Variants in SAMD3 observed in about 807,000 individuals in gnomAD.
The protein encoded by SAMD3 is sterile alpha motif domain containing 3.
Under a neutral mutation model 58.5 loss-of-function variants are expected in SAMD3, and 63 were observed. The ratio of observed to expected loss-of-function variants is 1.08; its 90% CI spans 0.88 to 1.33. The LOEUF (loss-of-function observed/expected upper bound fraction) is 1.33. Ranked by LOEUF, SAMD3 falls within the 40% of genes most tolerant of loss-of-function variation. The pLI is 0.00. For missense variants in SAMD3, 604 were observed against 608.4 expected (o/e 0.99, Z 0.08); for synonymous variants, 220 against 210.3 (o/e 1.05, Z -0.40).
chr6:130,260,581 G>A (rs931902611), intron 2 of SAMD3, among the ~76,000 whole-genome samples: 1 of 152,196 alleles, frequency 6.6e-6, no homozygotes, highest in Non-Finnish European at 1.5e-5. Flanking sequence ...CAGTGTCTGA[G>A]GAGTTTTGTC....
At chr6:130,318,268 T>C (rs1304214920) in intron 1 of SAMD3, among the ~76,000 whole-genome samples, 1 of 152,128 alleles carries the variant, frequency 6.6e-6, no homozygotes, top group Non-Finnish European at 1.5e-5. Flanking sequence ...GCTCTGTTTC[T>C]GCCTAACAAA....
In SAMD3 at chr6:130,154,235, C is replaced by CT. The variant is rs5880003; in HGVS notation, c.1023+589dup. 1.4e-3 allele frequency among the ~76,000 whole-genome samples: 178 copies of CT among 127,648 alleles called. 1 individual carries two copies. The highest frequency in any genetic ancestry group is 4.9e-3 in the African/African-American group (162 of 33,378). 83.7% of individuals were successfully genotyped at this position (127,648 alleles called of 152,430 possible). On this transcript the variant is annotated intron_variant, in intron 9 of 11. Coordinates refer to ENST00000439090, the MANE Select transcript of SAMD3 (RefSeq NM_001017373.4). The stretch of plus-strand genomic sequence containing the variant: ...ATTATCTGAATATGCTACTGAAATT[C>CT]TTTTTTTTTTTTTTTAATTTTTCCT...
At chr6:130,289,960 G>A (rs925290766) in intron 2 of SAMD3, among the ~76,000 whole-genome samples, 3 of 138,912 alleles carry the variant, frequency 2.2e-5, no homozygotes, top group South Asian at 2.4e-4. Context: ...ACTTTATCAC[G>A]TACTAGAGCT....
chr6:130,325,080 A>T (rs2115005592), intron 1 of SAMD3, among the ~76,000 whole-genome samples: 1 of 152,278 alleles, frequency 6.6e-6, no homozygotes, highest in Non-Finnish European at 1.5e-5. Context: ...TTCATAAACA[A>T]GAGCTCTATC....
At chr6:130,214,649 T>C (rs762853446) in intron 3 of SAMD3, 123 bp from the exon 4 acceptor site, 10 of 602,960 alleles carry the variant, frequency 1.7e-5, no homozygotes, top group Non-Finnish European at 2.4e-5. Context: ...ACATTATAAA[T>C]TTATCCATAT....
intron 1 of SAMD3, among the ~76,000 whole-genome samples, chr6:130,330,520 A>T (rs1157203507): frequency 6.6e-6 from 1 of 152,134 alleles, no homozygotes; most frequent in Non-Finnish European, 1.5e-5. Context: ...TGGCTGCTGG[A>T]GATGGTTAGT....
chr6:130,182,659 G>A (rs923824366), intron 7 of SAMD3, among the ~76,000 whole-genome samples: 1 of 151,010 alleles, frequency 6.6e-6, no homozygotes, highest in African/African-American at 2.4e-5. Flanking sequence ...AGGAAGGAAG[G>A]AAAGAAGGAT....
chr6:130,179,729 T>C (rs1792092888), intron 7 of SAMD3, among the ~76,000 whole-genome samples: 1 of 152,014 alleles, frequency 6.6e-6, no homozygotes, highest in Non-Finnish European at 1.5e-5. Context: ...GAATATGGAT[T>C]GTATATGATA....
intron 2 of SAMD3, among the ~76,000 whole-genome samples, chr6:130,256,898 C>T (rs1397771780): frequency 6.6e-6 from 1 of 152,126 alleles, no homozygotes; most frequent in East Asian, 1.9e-4. Context: ...TTACAAGTAA[C>T]CCCAAATCAC....
At chr6:130,265,623 T>C (rs1328441650) in intron 2 of SAMD3, among the ~76,000 whole-genome samples, 1 of 152,186 alleles carries the variant, frequency 6.6e-6, no homozygotes, top group Non-Finnish European at 1.5e-5. Flanking sequence ...TGTTACTCTA[T>C]ACAAGGTATG....
chr6:130,281,152 C>T (rs959648245), intron 2 of SAMD3, among the ~76,000 whole-genome samples: 4 of 152,142 alleles, frequency 2.6e-5, no homozygotes, highest in African/African-American at 9.7e-5. Flanking sequence ...CAAAATATCC[C>T]ATTGTACTGT....
chr6:130,351,698 C>G (rs1777671963), intron 1 of SAMD3, among the ~76,000 whole-genome samples: 1 of 152,118 alleles, frequency 6.6e-6, no homozygotes, highest in African/African-American at 2.4e-5. Context: ...TTTGACCCAC[C>G]CATCCCATTA....
chr6:130,201,318 C>T (rs1582903484), intron 5 of SAMD3, among the ~76,000 whole-genome samples: 1 of 152,172 alleles, frequency 6.6e-6, no homozygotes, highest in Admixed American at 6.5e-5. Flanking sequence ...ATTATAATTA[C>T]TTGTGGAACC....
At chr6:130,248,266 T>C (rs1773623327) in intron 2 of SAMD3, among the ~76,000 whole-genome samples, 1 of 151,760 alleles carries the variant, frequency 6.6e-6, no homozygotes, top group South Asian at 2.1e-4. Context: ...TAACAAAAAG[T>C]CACTCACAGC....
chr6:130,266,801 G>A (rs1297091822), intron 2 of SAMD3, among the ~76,000 whole-genome samples: 2 of 152,190 alleles, frequency 1.3e-5, no homozygotes, highest in Non-Finnish European at 2.9e-5. Context: ...CCCTGCCTAT[G>A]CTTCTTGCGA....
intron 7 of SAMD3, among the ~76,000 whole-genome samples, chr6:130,179,094 G>T (rs2184503): frequency 6.6e-6 from 1 of 152,044 alleles, no homozygotes; most frequent in Non-Finnish European, 1.5e-5. Flanking sequence ...CCTGGTGGGA[G>T]GTATTATAGC....
At chr6:130,249,318 T>C (rs1486502394) in intron 2 of SAMD3, among the ~76,000 whole-genome samples, 1 of 152,176 alleles carries the variant, frequency 6.6e-6, no homozygotes, top group Non-Finnish European at 1.5e-5. Context: ...AATGGCTTTC[T>C]GTTAATTTTG....
intron 1 of SAMD3, among the ~76,000 whole-genome samples, chr6:130,346,894 C>T (rs187326093): frequency 5.1e-4 from 77 of 152,300 alleles, no homozygotes; most frequent in Non-Finnish European, 8.1e-4. Context: ...TCCAGAGGAA[C>T]GATCAGGCAG....
At chr6:130,187,318 T>C (rs1213404727) in intron 5 of SAMD3, among the ~76,000 whole-genome samples, 1 of 152,174 alleles carries the variant, frequency 6.6e-6, no homozygotes. Flanking sequence ...TCCTTTTTTT[T>C]TTCAGTGTCG....
Sources: allele counts gnomAD v4.1 joint callset (sites outside exome capture counted in the v4.1 genomes callset), GRCh38; gene constraint gnomAD v4.1.1; transcripts MANE v1.5; gene names NCBI Gene and HGNC (gene_info 2026-07-23, HGNC 2026-07-21).